The following NBEA variants were observed in gnomAD, a reference collection of about 807,000 sequenced individuals.
The protein encoded by NBEA is neurobeachin, also known as lysosomal-trafficking regulator 2.
A neutral mutation model predicts 343.4 loss-of-function variants in NBEA; 44 were observed. The ratio of observed to expected loss-of-function variants is 0.13; its 90% CI spans 0.10 to 0.16. The LOEUF (loss-of-function observed/expected upper bound fraction) is 0.16, where lower values mean the gene tolerates loss of function less well. Among genes scored for constraint, NBEA ranks in the 10% least tolerant of loss-of-function variants. The probability of loss-of-function intolerance (pLI) is 1.00; values close to 1 mark genes in which losing one functional copy is unlikely to be tolerated. For missense variants in NBEA, 2,555 were observed against 3,631.3 expected, an observed-to-expected ratio of 0.70 and a Z score of 7.62; for synonymous variants, 1,175 against 1,238.7, an observed-to-expected ratio of 0.95 and a Z score of 1.08.
chr13:35,206,699 A>G (rs1253461319), intron 31 of NBEA, among the ~76,000 whole-genome samples: 2 of 151,942 alleles, frequency 1.3e-5, no homozygotes, highest in African/African-American at 2.4e-5. Context: ...CATAATTGAC[A>G]AAGTCCATTT....
chr13:35,628,239 G>T lies in NBEA; in HGVS notation c.7608G>T (p.Val2536=). Residue 2536 remains valine (V), a synonymous_variant, in exon 49 of 59, where the codon GTG becomes GTT. Coordinates refer to ENST00000379939, the MANE Select transcript of NBEA (RefSeq NM_001385012.1). ...ACCTGGATAGTATCACTGATCCTGT[G>T]CTCAGGGAGGTAGGTGTTAAATCCC... The part of the protein sequence containing the change: ...SVNLDSITDP[V]LREIPEAYFI... 1 of 1,599,586 alleles carries T rather than the reference G, an allele frequency of 6.3e-7. No homozygotes were observed. The highest frequency in any genetic ancestry group is 1.3e-5 in the African/African-American group (1 of 74,370).
chr13:35,428,365 A>G (rs1042077284), intron 38 of NBEA, among the ~76,000 whole-genome samples: 1 of 152,112 alleles, frequency 6.6e-6, no homozygotes, highest in Non-Finnish European at 1.5e-5. Flanking sequence ...ACAAATGCTA[A>G]ATGTTGTGCT....
chr13:35,587,317 G>T (rs2081334970), intron 46 of NBEA, among the ~76,000 whole-genome samples: 1 of 152,150 alleles, frequency 6.6e-6, no homozygotes, highest in Non-Finnish European at 1.5e-5. Flanking sequence ...GAGTTCATCA[G>T]GTTAGTCCAC....
chr13:35,543,310 T>G (rs893718621), intron 41 of NBEA, among the ~76,000 whole-genome samples: 1 of 152,220 alleles, frequency 6.6e-6, no homozygotes. Flanking sequence ...ATAGAGGTGT[T>G]GAAAAATCTT....
At chr13:35,211,233 G>A in intron 33 of NBEA, 54 bp downstream of exon 33, 1 of 1,408,216 alleles carries the variant, frequency 7.1e-7, no homozygotes, top group Non-Finnish European at 9.5e-7. Flanking sequence ...TAGTGAAACA[G>A]TACACAAAAA....
chr13:35,095,433 G>A (rs2065284560), intron 10 of NBEA, among the ~76,000 whole-genome samples: 1 of 151,586 alleles, frequency 6.6e-6, no homozygotes, highest in African/African-American at 2.4e-5. Flanking sequence ...AAAAGCTCTG[G>A]AGAAGTAATA....
intron 31 of NBEA, among the ~76,000 whole-genome samples, chr13:35,203,608 A>G (rs1368727260): frequency 6.6e-6 from 1 of 152,190 alleles, no homozygotes; most frequent in African/African-American, 2.4e-5. Context: ...CGTCAGTTCC[A>G]CACACATTGC....
chr13:35,288,109 C>G (rs1397826516), intron 34 of NBEA, among the ~76,000 whole-genome samples: 1 of 151,850 alleles, frequency 6.6e-6, no homozygotes, highest in Admixed American at 6.6e-5. Context: ...AATTTTTTGC[C>G]ACATACAAAA....
chr13:35,214,870 T>A (rs1020980329), intron 33 of NBEA, among the ~76,000 whole-genome samples: 1 of 151,762 alleles, frequency 6.6e-6, no homozygotes, highest in Admixed American at 6.6e-5. Flanking sequence ...AGTTTTTGTG[T>A]CTGTGGTGAG....
chr13:35,516,972 A>T (rs76554154), intron 41 of NBEA, among the ~76,000 whole-genome samples: 1,937 of 152,234 alleles, frequency 0.013, 39 homozygotes, highest in African/African-American at 0.044. Flanking sequence ...GGTTCCAAAG[A>T]TCATGTTCTT....
intron 33 of NBEA, among the ~76,000 whole-genome samples, chr13:35,231,710 C>T (rs1440179607): frequency 6.6e-6 from 1 of 152,128 alleles, no homozygotes; most frequent in East Asian, 1.9e-4. Flanking sequence ...CTTCATTTTG[C>T]AGACATAGAA....
chr13:35,306,322 C>A (rs1049281799), intron 35 of NBEA, among the ~76,000 whole-genome samples: 2 of 151,898 alleles, frequency 1.3e-5, no homozygotes, highest in Non-Finnish European at 2.9e-5. Flanking sequence ...TTTCTTGATA[C>A]AATGTTTCTC....
chr13:35,429,208 A>T (rs964308356), intron 38 of NBEA, among the ~76,000 whole-genome samples: 1 of 152,200 alleles, frequency 6.6e-6, no homozygotes, highest in African/African-American at 2.4e-5. Flanking sequence ...CAGCCAGCAG[A>T]GATGAAGTCC....
intron 34 of NBEA, among the ~76,000 whole-genome samples, chr13:35,275,939 G>A (rs542499608): frequency 6.6e-5 from 10 of 152,096 alleles, no homozygotes; most frequent in East Asian, 5.8e-4. Context: ...AACATGGCAC[G>A]TATATACCTA....
chr13:35,171,991 T>A (rs546243347), intron 26 of NBEA, among the ~76,000 whole-genome samples: 1 of 152,178 alleles, frequency 6.6e-6, no homozygotes, highest in African/African-American at 2.4e-5. Context: ...TAAATCTGAA[T>A]GAATTCTTTA....
intron 45 of NBEA, 42 bp downstream of exon 45, chr13:35,567,059 T>C (rs773939532): frequency 2.9e-6 from 3 of 1,030,110 alleles, no homozygotes; most frequent in Admixed American, 1.8e-5. Context: ...TTCATAAGGC[T>C]ATAGTCTAAT....
rs1393046372 is a variant in NBEA at position 35,617,969 on chromosome 13, T to G, written c.7450-10112T>G. ...ATAAATTCCTTGAATATAGGCTGTA[T>G]TTTTTATGTTGTTTTGTAACTTTAA... On this transcript the variant is annotated intron_variant, in intron 48 of 58. Coordinates refer to ENST00000379939, the MANE Select transcript of NBEA (RefSeq NM_001385012.1). 2.0e-5 allele frequency among the ~76,000 whole-genome samples: 3 copies of G among 152,220 alleles called. No homozygotes were observed. The East Asian group carries it at 5.8e-4, about 29-fold the overall frequency.
At chr13:35,103,413 T>A (rs1410206799) in intron 11 of NBEA, among the ~76,000 whole-genome samples, 1 of 151,502 alleles carries the variant, frequency 6.6e-6, no homozygotes, top group African/African-American at 2.4e-5. Context: ...TGTGATGGCT[T>A]GCTTTTTTTT....
At chr13:35,563,139 A>ATAGATAGG (rs1304949903) in intron 44 of NBEA, among the ~76,000 whole-genome samples, 22 of 131,118 alleles carry the variant, frequency 1.7e-4, no homozygotes, top group Non-Finnish European at 3.2e-4. Context: ...GTGGAGATAG[A>ATAGATAGG]TAGATAGATA....
Sources: allele counts gnomAD v4.1 joint callset (sites outside exome capture counted in the v4.1 genomes callset), GRCh38; gene constraint gnomAD v4.1.1; transcripts MANE v1.5; gene names NCBI Gene and HGNC (gene_info 2026-07-23, HGNC 2026-07-21).